Variants in DSCAM observed in about 807,000 individuals in gnomAD.
The protein encoded by DSCAM is cell adhesion molecule DSCAM.
DSCAM carries 47 observed loss-of-function variants against 217.7 expected under a neutral mutation model. The observed-to-expected ratio is 0.22, with a 90% CI of 0.17 to 0.28. The LOEUF is 0.28. Among genes scored for constraint, DSCAM ranks in the 10% least tolerant of loss-of-function variants. The pLI is 1.00. For synonymous variants in DSCAM, 1,056 were observed against 1,015.3 expected (o/e 1.04, Z -0.76); for missense variants, 2,080 against 2,618.3 (o/e 0.79, Z 4.49).
intron 3 of DSCAM, among the ~76,000 whole-genome samples, chr21:40,413,370 C>G (rs1461644673): frequency 6.6e-6 from 1 of 152,200 alleles, no homozygotes; most frequent in Non-Finnish European, 1.5e-5. Context: ...GGAGGCTATA[C>G]CCTGCAAAGC....
Position 40,087,204 on chromosome 21 carries a change from C to A in DSCAM, c.3934G>T (p.Asp1312Tyr). ...ATCCATTTGACTGCAGGAGAAGGGT[C>A]CCCAACAGCCTTACAAGGCAAGACA... is the stretch of plus-strand genomic sequence containing the variant. ...DIVLPCKAVG[D>Y]PSPAVKWMKD... Residue 1312 changes from aspartate to tyrosine, a missense_variant, in exon 22 of 33, where the codon GAC becomes TAC. Physicochemically the swap from Asp to Tyr is radical, Grantham distance 160. Transcript: ENST00000400454. 6.2e-7 allele frequency: 1 copy of A among 1,614,078 alleles called. No individual in the cohort carries two copies. Among genetic ancestry groups the A allele is most frequent in the South Asian group, 1.1e-5 (1 of 91,080 alleles).
chr21:40,141,931 C>T (rs2837451), intron 18 of DSCAM, among the ~76,000 whole-genome samples: 118,551 of 151,750 alleles, frequency 0.78, 46,489 homozygotes, highest in South Asian at 0.85. Context: ...TTATTCAAAG[C>T]CTTGCCCTAA....
chr21:40,077,713 T>G (rs1271062160), intron 26 of DSCAM, among the ~76,000 whole-genome samples: 1 of 152,198 alleles, frequency 6.6e-6, no homozygotes, highest in Non-Finnish European at 1.5e-5. Flanking sequence ...GAGGAGCACT[T>G]CCAACGTGGT....
intron 15 of DSCAM, among the ~76,000 whole-genome samples, chr21:40,175,772 CACACACAT>C (rs1461064349): frequency 0.012 from 461 of 37,032 alleles, 2 homozygotes; most frequent in African/African-American, 0.05. Context: ...ATTTTCTCAA[CACACACAT>C]ACACACACAC....
intron 1 of DSCAM, among the ~76,000 whole-genome samples, chr21:40,780,998 T>A (rs1240972021): frequency 7.3e-6 from 1 of 136,912 alleles, no homozygotes; most frequent in African/African-American, 2.7e-5. Context: ...ATCTCTTGAA[T>A]TATTAATAGT....
intron 3 of DSCAM, among the ~76,000 whole-genome samples, chr21:40,457,646 T>C (rs1180864427): frequency 2.6e-5 from 4 of 152,038 alleles, no homozygotes; most frequent in South Asian, 2.1e-4. Flanking sequence ...AAAAGAAATA[T>C]TGCACACACT....
intron 3 of DSCAM, among the ~76,000 whole-genome samples, chr21:40,604,756 GGT>G (rs2146267097): frequency 6.6e-6 from 1 of 152,286 alleles, no homozygotes; most frequent in South Asian, 2.1e-4. Flanking sequence ...GTGATGCTGA[GGT>G]GTTAGGGAGA....
At chr21:40,283,760 G>T (rs919137418) in intron 10 of DSCAM, among the ~76,000 whole-genome samples, 1 of 152,196 alleles carries the variant, frequency 6.6e-6, no homozygotes, top group Non-Finnish European at 1.5e-5. Flanking sequence ...TACATATGAT[G>T]TAGGATTGTT....
chr21:40,167,677 G>A lies in DSCAM; in HGVS notation c.2948-389C>T, dbSNP rs985096957. Among the ~76,000 whole-genome samples, 89 of 152,192 alleles carry A rather than the reference G, an allele frequency of 5.8e-4. 4 individuals are homozygous for A. On this transcript the variant is annotated intron_variant, in intron 15 of 32. Coordinates refer to ENST00000400454, the MANE Select transcript of DSCAM (RefSeq NM_001389.5). ...GCTGGAAGCTTTGCTTAGTGATGTGGTATTGGGGTTTCTCAATTGATTAGA... is the reference window on the plus strand; with the variant it reads ...GCTGGAAGCTTTGCTTAGTGATGTGATATTGGGGTTTCTCAATTGATTAGA...
chr21:40,492,481 A>G (rs1430657806), intron 3 of DSCAM, among the ~76,000 whole-genome samples: 6 of 152,124 alleles, frequency 3.9e-5, no homozygotes, highest in Non-Finnish European at 7.4e-5. Flanking sequence ...ATACAGAGAA[A>G]CAATTCACTG....
At chr21:40,808,427 GAA>G (rs771992896) in intron 1 of DSCAM, among the ~76,000 whole-genome samples, 34 of 151,498 alleles carry the variant, frequency 2.2e-4, no homozygotes, top group Admixed American at 1.5e-3. Context: ...AGGAGAGAGA[GAA>G]AGGTCTTTGA....
chr21:40,803,960 C>T (rs913455139), intron 1 of DSCAM, among the ~76,000 whole-genome samples: 5 of 152,168 alleles, frequency 3.3e-5, no homozygotes, highest in Admixed American at 6.5e-5. Context: ...CTAACCTACT[C>T]AAGCCTCAGA....
At chr21:40,397,280 A>ATGAGGGTCACTCC (rs55659759) in intron 3 of DSCAM, among the ~76,000 whole-genome samples, 58,631 of 151,562 alleles carry the variant, frequency 0.39, 12,222 homozygotes, top group East Asian at 0.52. Flanking sequence ...TGATTGGATC[A>ATGAGGGTCACTCC]TGAGGGTCAC....
chr21:40,820,470 G>A (rs2091915864), intron 1 of DSCAM, among the ~76,000 whole-genome samples: 1 of 152,086 alleles, frequency 6.6e-6, no homozygotes, highest in Non-Finnish European at 1.5e-5. Flanking sequence ...GGGAGTGGGG[G>A]CAAGGTGGGG....
intron 3 of DSCAM, among the ~76,000 whole-genome samples, chr21:40,546,364 A>T (rs1393798158): frequency 6.6e-6 from 1 of 152,130 alleles, no homozygotes; most frequent in Non-Finnish European, 1.5e-5. Context: ...CCTCAGGCAG[A>T]CTCTGGCCCA....
intron 8 of DSCAM, among the ~76,000 whole-genome samples, chr21:40,314,457 C>G (rs572128279): frequency 2.6e-5 from 4 of 152,114 alleles, no homozygotes; most frequent in Non-Finnish European, 5.9e-5. Context: ...GAGATTCTAT[C>G]CAGTGCTGGT....
At chr21:40,429,786 A>G (rs1479754970) in intron 3 of DSCAM, among the ~76,000 whole-genome samples, 5 of 152,264 alleles carry the variant, frequency 3.3e-5, no homozygotes, top group Admixed American at 3.3e-4. Flanking sequence ...TAAGTACTCC[A>G]GAATATGTTA....
At chr21:40,655,971 T>C (rs532696047) in intron 3 of DSCAM, among the ~76,000 whole-genome samples, 16 of 152,214 alleles carry the variant, frequency 1.1e-4, no homozygotes, top group African/African-American at 3.9e-4. Flanking sequence ...GAGGATTGCT[T>C]AGCCCAGGAG....
chr21:40,759,669 C>A (rs1344084059), intron 1 of DSCAM, among the ~76,000 whole-genome samples: 1 of 152,164 alleles, frequency 6.6e-6, no homozygotes, highest in Admixed American at 6.5e-5. Flanking sequence ...GGAGCACTTG[C>A]TACGGGAGCA....
Sources: gnomAD v4.1 joint callset for allele counts (sites outside exome capture counted in the v4.1 genomes callset) on GRCh38, gnomAD v4.1.1 for gene constraint, MANE v1.5 for transcripts, NCBI Gene and HGNC (gene_info 2026-07-23, HGNC 2026-07-21) for gene names.